Variants in CNBD1 observed in about 807,000 individuals in gnomAD.
CNBD1 encodes the protein cyclic nucleotide-binding domain-containing protein 1.
CNBD1 carries 71 observed loss-of-function variants against 54.4 expected under a neutral mutation model. The ratio of observed to expected loss-of-function variants is 1.30; its 90% CI spans 1.08 to 1.59. The LOEUF is 1.59. CNBD1 is among the 40% of genes most tolerant of loss of function. The probability of loss-of-function intolerance (pLI) is 0.00; values close to 1 mark genes in which losing one functional copy is unlikely to be tolerated. For synonymous variants in CNBD1, 182 were observed against 170.7 expected (o/e 1.07, Z -0.51); for missense variants, 659 against 518.0 (o/e 1.27, Z -2.64).
chr8:86,957,322 A>T (rs570745927), intron 4 of CNBD1, among the ~76,000 whole-genome samples: 1 of 152,272 alleles, frequency 6.6e-6, no homozygotes, highest in Non-Finnish European at 1.5e-5. Context: ...AGGCTTTGGT[A>T]TCAGGATGAT....
At chr8:87,176,091 G>A (rs943347269) in intron 4 of CNBD1, among the ~76,000 whole-genome samples, 1 of 152,194 alleles carries the variant, frequency 6.6e-6, no homozygotes, top group African/African-American at 2.4e-5. Context: ...GGGCAGGGTG[G>A]GTGATGGGAG....
intron 6 of CNBD1, among the ~76,000 whole-genome samples, chr8:87,283,319 T>G (rs1808630699): frequency 6.6e-6 from 1 of 152,070 alleles, no homozygotes; most frequent in South Asian, 2.1e-4. Flanking sequence ...TAGTTTCTTT[T>G]AGGTTGTTCA....
At chr8:87,367,248 T>C (rs1243175032) in intron 10 of CNBD1, among the ~76,000 whole-genome samples, 1 of 152,094 alleles carries the variant, frequency 6.6e-6, no homozygotes, top group Non-Finnish European at 1.5e-5. Context: ...AACTGTCAAC[T>C]AGCTTTTCTC....
intron 2 of CNBD1, among the ~76,000 whole-genome samples, chr8:86,895,317 A>C (rs559662393): frequency 6.6e-6 from 1 of 151,986 alleles, no homozygotes; most frequent in East Asian, 1.9e-4. Context: ...TTGCTGAATA[A>C]TATTTATTGT....
chr8:87,003,418 G>C (rs1305842749), intron 4 of CNBD1, among the ~76,000 whole-genome samples: 1 of 152,132 alleles, frequency 6.6e-6, no homozygotes, highest in African/African-American at 2.4e-5. Flanking sequence ...GAGCATGGAA[G>C]GAACAGTTTA....
chr8:86,975,825 C>T (rs1808328804), intron 4 of CNBD1, among the ~76,000 whole-genome samples: 1 of 151,908 alleles, frequency 6.6e-6, no homozygotes, highest in African/African-American at 2.4e-5. Context: ...AAATGTCTGT[C>T]ATAATTTATA....
chr8:87,321,780 C>A (rs975545430), intron 8 of CNBD1, among the ~76,000 whole-genome samples: 1 of 145,622 alleles, frequency 6.9e-6, no homozygotes, highest in Non-Finnish European at 1.5e-5. Flanking sequence ...CCAATGTCAT[C>A]AGGCTTTTTT....
intron 6 of CNBD1, among the ~76,000 whole-genome samples, chr8:87,245,820 T>C (rs1024943067): frequency 6.6e-6 from 1 of 152,048 alleles, no homozygotes; most frequent in African/African-American, 2.4e-5. Context: ...TTTAAATATA[T>C]TGTTGATATT....
intron 8 of CNBD1, among the ~76,000 whole-genome samples, chr8:87,325,575 T>C (rs1432235965): frequency 7.5e-6 from 1 of 132,530 alleles, no homozygotes; most frequent in Non-Finnish European, 1.6e-5. Context: ...CTTTGTCTCT[T>C]TTGATCTTTG....
At chr8:87,401,498 T>C (rs1339910482) in intron 2 of CNBD1, among the ~76,000 whole-genome samples, 1 of 152,068 alleles carries the variant, frequency 6.6e-6, no homozygotes, top group Non-Finnish European at 1.5e-5. Flanking sequence ...TTGGATCCAA[T>C]AGGATATGTG....
chr8:86,933,154 C>G (rs190755350), intron 3 of CNBD1, among the ~76,000 whole-genome samples: 1 of 152,094 alleles, frequency 6.6e-6, no homozygotes, highest in Non-Finnish European at 1.5e-5. Context: ...GATATACCCC[C>G]CAATTTTGGA....
At chr8:86,956,539 T>C (rs1349589736) in intron 4 of CNBD1, among the ~76,000 whole-genome samples, 1 of 152,206 alleles carries the variant, frequency 6.6e-6, no homozygotes, top group African/African-American at 2.4e-5. Flanking sequence ...CTTGAAGATG[T>C]CCTTCATATC....
chr8:87,068,546 A>C (rs1441639789), intron 4 of CNBD1, among the ~76,000 whole-genome samples: 1 of 152,014 alleles, frequency 6.6e-6, no homozygotes, highest in African/African-American at 2.4e-5. Flanking sequence ...TTGAGCCTGG[A>C]CGTGTCTTGT....
chr8:87,233,190 C>T (rs552898809), intron 5 of CNBD1, among the ~76,000 whole-genome samples: 8 of 152,192 alleles, frequency 5.3e-5, no homozygotes, highest in South Asian at 4.2e-4. Context: ...TTGATCTGGA[C>T]GTTGATCCTA....
rs141239462 is a variant in CNBD1, at chr8:86,964,567, G to T, written c.431+24813G>T. 3.5e-3 allele frequency among the ~76,000 whole-genome samples: 527 copies of T among 152,336 alleles called. 3 individuals carry two copies. The highest frequency in any genetic ancestry group is 0.012 in the African/African-American group (486 of 41,586). ...GCCTGTCAGGGCCATCTGAAAACCT[G>T]CTTGGATCCCCCTTAATTTGCTGTA... On this transcript the variant is annotated intron_variant, in intron 4 of 10. Coordinates refer to ENST00000518476, the MANE Select transcript of CNBD1 (RefSeq NM_173538.3).
At chr8:87,134,627 G>T (rs1812189152) in intron 4 of CNBD1, among the ~76,000 whole-genome samples, 1 of 117,246 alleles carries the variant, frequency 8.5e-6, no homozygotes, top group Non-Finnish European at 1.7e-5. Flanking sequence ...TTTTGAGATG[G>T]AGTCTCGCTG....
intron 4 of CNBD1, among the ~76,000 whole-genome samples, chr8:87,179,269 G>C (rs1486458100): frequency 1.3e-5 from 2 of 152,134 alleles, no homozygotes; most frequent in East Asian, 3.8e-4. Context: ...CATATTTGGA[G>C]TTAATTGGAG....
chr8:87,395,584 A>C (rs989698575), intron 2 of CNBD1, among the ~76,000 whole-genome samples: 7 of 151,874 alleles, frequency 4.6e-5, no homozygotes, highest in Non-Finnish European at 8.8e-5. Context: ...CTTTGTGTTA[A>C]CTCTTCTGAG....
chr8:87,348,548 G>T (rs1185351768), intron 8 of CNBD1, among the ~76,000 whole-genome samples: 1 of 152,072 alleles, frequency 6.6e-6, no homozygotes, highest in Non-Finnish European at 1.5e-5. Context: ...TCTTTACAAG[G>T]AGAGGAATCC....
Sources: allele counts gnomAD v4.1 joint callset (sites outside exome capture counted in the v4.1 genomes callset), GRCh38; gene constraint gnomAD v4.1.1; transcripts MANE v1.5; gene names NCBI Gene and HGNC (gene_info 2026-07-23, HGNC 2026-07-21).